TP63: variants seen among roughly 807,000 people sequenced by gnomAD.
The protein encoded by TP63 is tumor protein 63.
A neutral mutation model predicts 82.8 loss-of-function variants in TP63; 17 were observed. That is an observed-to-expected ratio of 0.21 (90% confidence interval 0.14 to 0.31). The LOEUF (loss-of-function observed/expected upper bound fraction) is 0.31, where lower values mean the gene tolerates loss of function less well. TP63 is among the 10% of genes least tolerant of loss of function. The probability of loss-of-function intolerance (pLI) is 1.00; values close to 1 mark genes in which losing one functional copy is unlikely to be tolerated. For missense variants in TP63, 648 were observed against 895.3 expected, an observed-to-expected ratio of 0.72 and a Z score of 3.52; for synonymous variants, 330 against 321.7, an observed-to-expected ratio of 1.03 and a Z score of -0.28.
chr3:189,628,668 T>G (rs1729370837), upstream of TP63, among the ~76,000 whole-genome samples: 1 of 152,162 alleles, frequency 6.6e-6, no homozygotes. Flanking sequence ...CCTAAAAGAC[T>G]CTAAAGTCTT....
At chr3:189,609,533 G>A in the TP63 span, among the ~76,000 whole-genome samples, 2 of 151,756 alleles carry the variant, frequency 1.3e-5, no homozygotes, top group South Asian at 2.1e-4. Context: ...TCCTTCCTCC[G>A]ACCCTCCCCC....
the TP63 span, among the ~76,000 whole-genome samples, chr3:189,596,898 C>A: frequency 2.6e-5 from 4 of 152,044 alleles, no homozygotes; most frequent in Admixed American, 2.6e-4. Flanking sequence ...CTGAAGCCAG[C>A]GAGACCAGGA....
chr3:189,604,025 A>AAT, the TP63 span, among the ~76,000 whole-genome samples: 1,158 of 152,086 alleles, frequency 7.6e-3, 15 homozygotes, highest in African/African-American at 0.025. Flanking sequence ...ACACTTGAAA[A>AAT]ATATATATAT....
intron 3 of TP63, among the ~76,000 whole-genome samples, chr3:189,807,319 A>G (rs1275775904): frequency 6.6e-6 from 1 of 152,260 alleles, no homozygotes; most frequent in Non-Finnish European, 1.5e-5. Context: ...AGCGGATGCT[A>G]GGGCAAATGC....
At chr3:189,673,367 A>G (rs1055576298) in intron 1 of TP63, among the ~76,000 whole-genome samples, 2 of 152,148 alleles carry the variant, frequency 1.3e-5, no homozygotes, top group African/African-American at 4.8e-5. Context: ...AATTATCTTC[A>G]ATATTATTCT....
intron 4 of TP63, among the ~76,000 whole-genome samples, chr3:189,817,177 T>G (rs1034634047): frequency 6.6e-6 from 1 of 152,194 alleles, no homozygotes. Flanking sequence ...TTGCTTCATG[T>G]GCTGTTCAGC....
At chr3:189,674,208 A>G (rs564198556) in intron 1 of TP63, among the ~76,000 whole-genome samples, 2 of 152,224 alleles carry the variant, frequency 1.3e-5, no homozygotes, top group African/African-American at 4.8e-5. Context: ...GGTTAATATG[A>G]GAAATTTCTT....
At chr3:189,831,521 G>A (rs1346048116) in intron 4 of TP63, among the ~76,000 whole-genome samples, 6 of 151,482 alleles carry the variant, frequency 4.0e-5, no homozygotes, top group Non-Finnish European at 5.9e-5. Flanking sequence ...TTCATGTTGA[G>A]GATGAGGACA....
At chr3:189,597,307 G>T in the TP63 span, among the ~76,000 whole-genome samples, 9 of 152,276 alleles carry the variant, frequency 5.9e-5, no homozygotes, top group East Asian at 1.9e-4. Flanking sequence ...TAAGAGTAAG[G>T]ACTATGCCTC....
chr3:189,848,344 C>G (rs2108759279), intron 4 of TP63, among the ~76,000 whole-genome samples: 1 of 149,492 alleles, frequency 6.7e-6, no homozygotes, highest in South Asian at 2.2e-4. Flanking sequence ...AAGTGATCCT[C>G]TGCACCTCAG....
chr3:189,840,514 T>TG (rs1295443836), intron 4 of TP63, among the ~76,000 whole-genome samples: 1 of 151,376 alleles, frequency 6.6e-6, no homozygotes, highest in African/African-American at 2.4e-5. Flanking sequence ...TGGGAGAGGG[T>TG]GAGAATACAC....
intron 1 of TP63, 38 bp from the exon 2 acceptor site, chr3:189,737,702 A>G: frequency 1.2e-6 from 2 of 1,606,770 alleles, no homozygotes; most frequent in African/African-American, 1.3e-5. Context: ...TCATAAATAC[A>G]GAAAGTATAA....
At chr3:189,790,007 ATT>A (rs557500463) in intron 3 of TP63, among the ~76,000 whole-genome samples, 3 of 145,796 alleles carry the variant, frequency 2.1e-5, no homozygotes, top group South Asian at 4.3e-4. Flanking sequence ...TGGCTGTAAG[ATT>A]TTTTTTTTTT....
At chr3:189,894,024 G>A (rs957966271) in intron 13 of TP63, among the ~76,000 whole-genome samples, 182 bp from the exon 14 acceptor site, 17 of 152,156 alleles carry the variant, frequency 1.1e-4, no homozygotes, top group African/African-American at 3.9e-4. Flanking sequence ...CCTCAAGGCT[G>A]TGCCTTTGTG....
Position 189,886,425 on chromosome 3 carries a change from A to G in TP63, c.1381A>G (p.Asn461Asp). Reference sequence around the variant, plus strand: ...AATACAGTCTCCATCTTCATATGGTAACAGCTCCCCACCTCTGAACAAAAT... The same window carrying G: ...AATACAGTCTCCATCTTCATATGGTGACAGCTCCCCACCTCTGAACAAAAT... ...TSIQSPSSYG[N>D]SSPPLNKMNS... Residue 461 changes from asparagine to aspartate, a missense_variant, in exon 11 of 14, where the codon AAC (asparagine) becomes GAC (aspartate). By Grantham distance (23) the Asn-to-Asp change is conservative. This residue lies in a region of TP63 where 342 missense variants were observed against 425.7 expected (regional missense o/e 0.80). Coordinates refer to ENST00000264731, the MANE Select transcript of TP63 (RefSeq NM_003722.5). 1.2e-6 allele frequency: 2 copies of G among 1,614,084 alleles called. No individual in the cohort carries two copies. The highest frequency in any genetic ancestry group is 1.7e-6 in the Non-Finnish European group (2 of 1,179,998).
At chr3:189,840,742 C>T (rs562986987) in intron 4 of TP63, among the ~76,000 whole-genome samples, 2 of 151,168 alleles carry the variant, frequency 1.3e-5, no homozygotes, top group Admixed American at 1.3e-4. Context: ...CCTGTAATCC[C>T]AGCTACTCGG....
At chr3:189,765,901 G>A (rs1351148865) in intron 3 of TP63, among the ~76,000 whole-genome samples, 1 of 152,110 alleles carries the variant, frequency 6.6e-6, no homozygotes, top group African/African-American at 2.4e-5. Flanking sequence ...CACGGAGTTG[G>A]GCTAGGTGAA....
At chr3:189,759,679 T>A (rs1201704546) in intron 3 of TP63, among the ~76,000 whole-genome samples, 1 of 152,176 alleles carries the variant, frequency 6.6e-6, no homozygotes, top group Admixed American at 6.5e-5. Context: ...AAACATGGAA[T>A]CAATAGAAAG....
intron 4 of TP63, among the ~76,000 whole-genome samples, chr3:189,861,667 A>G (rs1259169795): frequency 1.3e-5 from 2 of 152,228 alleles, no homozygotes; most frequent in Non-Finnish European, 2.9e-5. Flanking sequence ...TAATAAAACT[A>G]TGTTAAATAG....
Sources: allele counts gnomAD v4.1 joint callset (sites outside exome capture counted in the v4.1 genomes callset), GRCh38; gene constraint gnomAD v4.1.1; regional missense constraint gnomAD v4.1.1; transcripts MANE v1.5; gene names NCBI Gene and HGNC (gene_info 2026-07-23, HGNC 2026-07-21).